The following ANXA4 variants were observed in gnomAD, a reference collection of about 807,000 sequenced individuals.
ANXA4 encodes the protein annexin A4, also known as 35-beta calcimedin.
In ANXA4, 39 loss-of-function variants were observed where a neutral mutation model predicts 49.8. That is an observed-to-expected ratio of 0.78 (90% CI 0.61 to 1.02). ANXA4 has a LOEUF of 1.02. ANXA4 is among the 50% of genes least tolerant of loss of function. ANXA4 has a pLI of 0.00. For missense variants in ANXA4, 360 were observed against 410.1 expected (o/e 0.88, Z 1.05); for synonymous variants, 134 against 152.5 (o/e 0.88, Z 0.89).
intron 2 of ANXA4, among the ~76,000 whole-genome samples, chr2:69,692,984 G>T (rs1046432543): frequency 6.6e-6 from 1 of 152,172 alleles, no homozygotes; most frequent in African/African-American, 2.4e-5. Context: ...GTGTGTGTGA[G>T]GTGGGGGAGG....
At chr2:69,773,280 G>A (rs1671804424) in intron 1 of ANXA4, among the ~76,000 whole-genome samples, 1 of 152,182 alleles carries the variant, frequency 6.6e-6, no homozygotes, top group Non-Finnish European at 1.5e-5. Flanking sequence ...GTGGTAAAAA[G>A]GAGTGGAATG....
intron 1 of ANXA4, 153 bp from the exon 2 acceptor site, chr2:69,781,367 C>A: frequency 1.6e-6 from 1 of 632,652 alleles, no homozygotes; most frequent in Non-Finnish European, 2.8e-6. Flanking sequence ...TAGCCCATTC[C>A]TTGTATCTTT....
chr2:69,745,345 T>C (rs1235225374), intron 1 of ANXA4, among the ~76,000 whole-genome samples: 1 of 152,064 alleles, frequency 6.6e-6, no homozygotes, highest in Admixed American at 6.5e-5. Flanking sequence ...TCACAGCCCT[T>C]TTCTGATGGA....
chr2:69,778,635 C>T (rs1382255346), intron 1 of ANXA4, among the ~76,000 whole-genome samples: 1 of 152,070 alleles, frequency 6.6e-6, no homozygotes, highest in Non-Finnish European at 1.5e-5. Flanking sequence ...ATTAGCCAGG[C>T]ATGGCGGCAC....
chr2:69,791,105 T>C (rs1672673503), intron 3 of ANXA4, among the ~76,000 whole-genome samples: 2 of 152,218 alleles, frequency 1.3e-5, no homozygotes, highest in Admixed American at 6.5e-5. Flanking sequence ...AGCCCAGCCA[T>C]AGGTTTGTAC....
At chr2:69,701,897 G>A (rs1190464635) in intron 2 of ANXA4, among the ~76,000 whole-genome samples, 10 of 151,948 alleles carry the variant, frequency 6.6e-5, no homozygotes, top group Admixed American at 3.9e-4. Context: ...ATTTGTATGC[G>A]TTCTTAATAA....
chr2:69,786,100 A>G (rs1409707698), intron 2 of ANXA4, among the ~76,000 whole-genome samples: 3 of 152,196 alleles, frequency 2.0e-5, no homozygotes, highest in African/African-American at 7.2e-5. Context: ...GACATCCCAA[A>G]CTTAACATTT....
chr2:69,645,669 C>G (rs1300464118), intron 1 of ANXA4, among the ~76,000 whole-genome samples: 1 of 152,152 alleles, frequency 6.6e-6, no homozygotes, highest in East Asian at 1.9e-4. Flanking sequence ...CTTAAGGTAG[C>G]TAACATGCAT....
At chr2:69,812,775 G>A in intron 8 of ANXA4, 66 bp downstream of exon 8, 1 of 1,381,678 alleles carries the variant, frequency 7.2e-7, no homozygotes, top group Non-Finnish European at 1.0e-6. Flanking sequence ...AGGCCTTAGT[G>A]GGTGGATAGC....
chr2:69,777,696 C>G (rs1165312619), intron 1 of ANXA4, among the ~76,000 whole-genome samples: 1 of 152,192 alleles, frequency 6.6e-6, no homozygotes, highest in East Asian at 1.9e-4. Flanking sequence ...TGCTGCAGGG[C>G]CTTTGCACTG....
At chr2:69,817,178 T>C (rs1674032202) in intron 9 of ANXA4, 1 of 152,232 alleles carries the variant, frequency 6.6e-6, no homozygotes, top group South Asian at 2.1e-4. Context: ...GCCGATTTAG[T>C]GCATAAATGC....
intron 3 of ANXA4, among the ~76,000 whole-genome samples, chr2:69,727,123 C>T (rs1420348165): frequency 2.6e-5 from 4 of 152,204 alleles, no homozygotes; most frequent in Non-Finnish European, 5.9e-5. Flanking sequence ...ATCCTCCCAC[C>T]TTGGCCTCCA....
At chr2:69,775,445 G>A (rs976395643) in intron 1 of ANXA4, among the ~76,000 whole-genome samples, 16 of 152,138 alleles carry the variant, frequency 1.1e-4, no homozygotes, top group African/African-American at 2.4e-4. Flanking sequence ...ATGCTACTCC[G>A]TACCATGAGT....
chr2:69,719,930 C>A (rs1472848123), intron 2 of ANXA4, among the ~76,000 whole-genome samples: 10 of 152,138 alleles, frequency 6.6e-5, no homozygotes, highest in Non-Finnish European at 1.5e-4. Flanking sequence ...CTGGCGAAGT[C>A]TTTACCAATT....
intron 2 of ANXA4, among the ~76,000 whole-genome samples, chr2:69,669,610 CAA>C (rs201802569): frequency 7.4e-6 from 1 of 134,486 alleles, no homozygotes. Flanking sequence ...GACTCCATCT[CAA>C]AAAAAAAAAA....
At chr2:69,698,981 C>T (rs1320799803) in intron 2 of ANXA4, among the ~76,000 whole-genome samples, 4 of 152,152 alleles carry the variant, frequency 2.6e-5, no homozygotes, top group Middle Eastern at 3.2e-3. Flanking sequence ...AAGAGCTAAA[C>T]AACAAAGCCT....
intron 2 of ANXA4, among the ~76,000 whole-genome samples, chr2:69,691,978 C>T (rs1457548733): frequency 6.6e-5 from 10 of 152,142 alleles, no homozygotes; most frequent in South Asian, 4.1e-4. Flanking sequence ...CTCCGCCTCC[C>T]GGGTTCAAAC....
intron 3 of ANXA4, among the ~76,000 whole-genome samples, chr2:69,735,762 A>T (rs771139615): frequency 9.2e-5 from 14 of 152,168 alleles, no homozygotes; most frequent in African/African-American, 1.4e-4. Flanking sequence ...GGTGTGAAAC[A>T]ATCACAATCA....
chr2:69,704,739 A>T (rs1208462941), intron 2 of ANXA4, among the ~76,000 whole-genome samples: 1 of 152,192 alleles, frequency 6.6e-6, no homozygotes, highest in Admixed American at 6.5e-5. Context: ...GTTCTAAAGA[A>T]AGTCACATGG....
Sources: allele counts gnomAD v4.1 joint callset (sites outside exome capture counted in the v4.1 genomes callset), GRCh38; gene constraint gnomAD v4.1.1; transcripts MANE v1.5; gene names NCBI Gene and HGNC (gene_info 2026-07-23, HGNC 2026-07-21).